SEMA3D: variants seen among roughly 807,000 people sequenced by gnomAD.
SEMA3D encodes the protein semaphorin-3D.
A neutral mutation model predicts 100.1 loss-of-function variants in SEMA3D; 84 were observed. The ratio of observed to expected loss-of-function variants is 0.84; its 90% CI spans 0.70 to 1.01. The LOEUF is 1.01. Among genes scored for constraint, SEMA3D ranks in the 50% least tolerant of loss-of-function variants. The probability of loss-of-function intolerance (pLI) is 0.00; values close to 1 mark genes in which losing one functional copy is unlikely to be tolerated. For missense variants in SEMA3D, 875 were observed against 934.1 expected, an observed-to-expected ratio of 0.94 and a Z score of 0.82; for synonymous variants, 312 against 320.7, an observed-to-expected ratio of 0.97 and a Z score of 0.29.
intron 12 of SEMA3D, among the ~76,000 whole-genome samples, chr7:85,026,672 T>C (rs1310730522): frequency 6.6e-6 from 1 of 152,068 alleles, no homozygotes; most frequent in Admixed American, 6.6e-5. Flanking sequence ...TGTTTGAAAG[T>C]CAACTATAAA....
Position 85,037,037 on chromosome 7 carries a change from GA to G in SEMA3D, c.1047-5del, listed in dbSNP as rs540755428. The stretch of plus-strand genomic sequence containing the variant: ...AGCAGAGCCTTTGAAGATGGAGCTG[GA>G]AAAAAAAAGCATCATCATTCAATCA... On this transcript the variant is annotated splice_polypyrimidine_tract_variant and splice_region_variant and intron_variant, in intron 11 of 18. Transcript: ENST00000284136. 107 of 1,578,434 alleles carry G rather than the reference GA, an allele frequency of 6.8e-5. 1 individual carries two copies. Among genetic ancestry groups the G allele is most frequent in the South Asian group, 6.3e-4 (54 of 86,014 alleles).
At chr7:85,061,561 C>T (rs1330182047) in intron 8 of SEMA3D, among the ~76,000 whole-genome samples, 2 of 152,140 alleles carry the variant, frequency 1.3e-5, no homozygotes, top group African/African-American at 2.4e-5. Context: ...ATTCTCTCCC[C>T]TCCCACTCCT....
At chr7:85,028,305 A>G in intron 12 of SEMA3D, 1 of 687,452 alleles carries the variant, frequency 1.5e-6, no homozygotes, top group South Asian at 1.4e-5. Context: ...GCTATCAAAG[A>G]TGCTGGAACT....
At chr7:85,094,013 G>A (rs1290043195) in intron 4 of SEMA3D, among the ~76,000 whole-genome samples, 3 of 152,012 alleles carry the variant, frequency 2.0e-5, no homozygotes, top group African/African-American at 7.2e-5. Context: ...CAAGAATGAA[G>A]AGCAGTGAAA....
chr7:85,024,106 G>A (rs947591050), intron 12 of SEMA3D, among the ~76,000 whole-genome samples: 3 of 151,838 alleles, frequency 2.0e-5, no homozygotes, highest in South Asian at 2.1e-4. Context: ...AGCGGAATCC[G>A]TCAACTCAAT....
chr7:85,197,200 T>C, the SEMA3D span, among the ~76,000 whole-genome samples: 3 of 152,176 alleles, frequency 2.0e-5, no homozygotes, highest in Non-Finnish European at 4.4e-5. Flanking sequence ...TCTATTAACA[T>C]AGCTAGATCT....
chr7:85,120,648 C>G (rs1384236836), intron 3 of SEMA3D, among the ~76,000 whole-genome samples: 1 of 117,288 alleles, frequency 8.5e-6, no homozygotes, highest in African/African-American at 3.4e-5. Flanking sequence ...GCCTGGGCAA[C>G]AGAATGAGAC....
chr7:85,003,332 G>A (rs142985639), intron 18 of SEMA3D, among the ~76,000 whole-genome samples: 68 of 151,950 alleles, frequency 4.5e-4, no homozygotes, highest in African/African-American at 1.6e-3. Flanking sequence ...CAATGAGCTC[G>A]TTATTAAAAA....
chr7:85,100,648 C>G (rs747070955), intron 3 of SEMA3D, among the ~76,000 whole-genome samples: 19 of 151,822 alleles, frequency 1.3e-4, no homozygotes, highest in Non-Finnish European at 2.5e-4. Context: ...GTTCTAACCT[C>G]TGTAAAAATG....
the SEMA3D span, among the ~76,000 whole-genome samples, chr7:85,235,723 T>A: frequency 6.6e-6 from 1 of 152,168 alleles, no homozygotes; most frequent in African/African-American, 2.4e-5. Context: ...TATCCTAGAA[T>A]AATGTGTGTG....
the SEMA3D span, among the ~76,000 whole-genome samples, chr7:85,208,902 T>C: frequency 2.0e-5 from 3 of 152,142 alleles, no homozygotes; most frequent in South Asian, 2.1e-4. Context: ...TAACTTAGTT[T>C]TAGATTTGAA....
chr7:85,141,298 T>G (rs2116462045), intron 2 of SEMA3D: 1 of 984,446 alleles, frequency 1.0e-6, no homozygotes, highest in East Asian at 1.1e-4. Flanking sequence ...TCTTCAGGAA[T>G]TTTAACATTG....
the SEMA3D span, among the ~76,000 whole-genome samples, chr7:85,221,217 T>C: frequency 6.6e-6 from 1 of 151,882 alleles, no homozygotes; most frequent in Non-Finnish European, 1.5e-5. Flanking sequence ...GGAGAGAGAA[T>C]AAGGAAAATA....
rs1412897135 is a variant in SEMA3D, at chr7:85,019,653, T to C, written c.1503+580A>G. On this transcript the variant is annotated intron_variant, in intron 14 of 18. Coordinates refer to ENST00000284136, the MANE Select transcript of SEMA3D (RefSeq NM_001384900.1). ...CAGCAAATAATTGTAAACTTAATTT[T>C]ACTGAGGATTTACAAAGCATGCCAC... Among the ~76,000 whole-genome samples the C allele has an allele frequency of 1.3e-5, 2 of 151,778 alleles. 1 individual carries two copies. Among genetic ancestry groups the C allele is most frequent in the Non-Finnish European group, 2.9e-5 (2 of 67,814 alleles).
At chr7:85,094,821 T>C (rs1381269772) in intron 4 of SEMA3D, among the ~76,000 whole-genome samples, 3 of 151,956 alleles carry the variant, frequency 2.0e-5, no homozygotes, top group Admixed American at 6.6e-5. Flanking sequence ...GGACCAACTT[T>C]GGAATCGTTA....
At chr7:85,227,415 C>A in the SEMA3D span, among the ~76,000 whole-genome samples, 2 of 152,244 alleles carry the variant, frequency 1.3e-5, no homozygotes, top group Non-Finnish European at 2.9e-5. Context: ...CCCCAAAGAG[C>A]TGCTTTGCTT....
intron 2 of SEMA3D, among the ~76,000 whole-genome samples, chr7:85,146,906 A>G (rs1562834774): frequency 1.3e-5 from 2 of 151,908 alleles, no homozygotes. Flanking sequence ...TCAGGAATAG[A>G]AAGTCTAAAA....
chr7:85,070,635 G>T lies in SEMA3D; in HGVS notation c.495+2327C>A, dbSNP rs146038302. On this transcript the variant is annotated intron_variant, in intron 6 of 18. Coordinates refer to ENST00000284136, the MANE Select transcript of SEMA3D (RefSeq NM_001384900.1). ...ATACAATTACCTGTACGCCAGACCA[G>T]CTAAAAACTCAAGGTTCAATGCCCC... 1.5e-3 allele frequency among the ~76,000 whole-genome samples: 224 copies of T among 152,278 alleles called. 2 individuals carry two copies. Among genetic ancestry groups the T allele is most frequent in the African/African-American group, 5.4e-3 (224 of 41,548 alleles).
chr7:85,054,418 C>T (rs1233528001), intron 9 of SEMA3D, among the ~76,000 whole-genome samples: 1 of 152,034 alleles, frequency 6.6e-6, no homozygotes, highest in Non-Finnish European at 1.5e-5. Flanking sequence ...AGGACTACTC[C>T]AAACAACAGG....
Sources: gnomAD v4.1 joint callset for allele counts (sites outside exome capture counted in the v4.1 genomes callset) on GRCh38, gnomAD v4.1.1 for gene constraint, MANE v1.5 for transcripts, NCBI Gene and HGNC (gene_info 2026-07-23, HGNC 2026-07-21) for gene names.